Variants in WDR59 observed in about 807,000 individuals in gnomAD.
The protein encoded by WDR59 is WD repeat domain 59, also known as GATOR2 complex protein WDR59.
A neutral mutation model predicts 131.2 loss-of-function variants in WDR59; 100 were observed. That is an observed-to-expected ratio of 0.76 (90% CI 0.65 to 0.90). The LOEUF is 0.90. Ranked by LOEUF, WDR59 falls within the 40% of genes least tolerant of loss-of-function variation. WDR59 has a pLI of 0.00. For missense variants in WDR59, 1,203 were observed against 1,262.2 expected (o/e 0.95, Z 0.71); for synonymous variants, 601 against 466.2 (o/e 1.29, Z -3.72).
At chr16:74,922,130 G>C (rs1164039016) in intron 9 of WDR59, 27 bp from the exon 10 acceptor site, 1 of 1,613,048 alleles carries the variant, frequency 6.2e-7, no homozygotes, top group South Asian at 1.1e-5. Context: ...AAAAGCAGGT[G>C]ATTAGATTAT....
intron 25 of WDR59, among the ~76,000 whole-genome samples, chr16:74,883,628 AC>A (rs1429129718): frequency 1.3e-5 from 2 of 151,860 alleles, no homozygotes; most frequent in Non-Finnish European, 2.9e-5. Flanking sequence ...TCTGTAAAAC[AC>A]CTCTCCCTGC....
intron 14 of WDR59, among the ~76,000 whole-genome samples, chr16:74,911,018 CA>C (rs2144933744): frequency 6.6e-6 from 1 of 152,272 alleles, no homozygotes; most frequent in South Asian, 2.1e-4. Flanking sequence ...CATGCGCCAC[CA>C]CGCCTGGCTA....
At position 74,886,307 on chromosome 16, in the gene WDR59, G is replaced by C; in HGVS notation, c.2509C>G (p.Arg837Gly). 1 of 1,613,834 alleles carries C rather than the reference G, an allele frequency of 6.2e-7. No individual in the cohort carries two copies. Among genetic ancestry groups the C allele is most frequent in the Non-Finnish European group, 8.5e-7 (1 of 1,179,932 alleles). ...RFGSLTYSDP[R>G]ERERDQHDKN... is the part of the protein sequence containing the mutation. Reference sequence around the variant, plus strand: ...TCATGCTGGTCGCGTTCTCGCTCACGGGGATCACTGTAGGTCAGACTCCCA... The same window carrying C: ...TCATGCTGGTCGCGTTCTCGCTCACCGGGATCACTGTAGGTCAGACTCCCA... The change falls in exon 24 of 26, where the codon CGT becomes GGT. Residue 837 changes from arginine (R) to glycine (G), a missense_variant. Coordinates refer to ENST00000262144, the MANE Select transcript of WDR59 (RefSeq NM_030581.4).
chr16:74,967,838 A>C (rs574810508), intron 1 of WDR59, among the ~76,000 whole-genome samples: 1 of 145,274 alleles, frequency 6.9e-6, no homozygotes, highest in African/African-American at 2.6e-5. Context: ...AGCTTGGGCA[A>C]TAAAGCGAGA....
chr16:74,877,834 C>T (rs192857811), intron 25 of WDR59, among the ~76,000 whole-genome samples: 3 of 152,278 alleles, frequency 2.0e-5, no homozygotes, highest in East Asian at 3.9e-4. Context: ...CGTGAGCCAC[C>T]GCGCCCCGCC....
In WDR59 at chr16:74,886,616, CAT is replaced by C. The variant is rs1444799364; in HGVS notation, c.2420-222_2420-221del. 7 of 497,612 alleles carry C rather than the reference CAT, an allele frequency of 1.4e-5. No homozygotes were observed. In the East Asian group the frequency reaches 2.8e-4, roughly 20 times the overall value. 30.8% of individuals were successfully genotyped at this position (497,612 alleles called of 1,614,324 possible). On this transcript the variant is annotated intron_variant, in intron 23 of 25. Transcript: ENST00000262144. ...AGAACTTGATCACTAAGTACACACA[CAT>C]GATGCTAACGCAAATGATGGGCTGG...
At chr16:74,922,142 T>G (rs769533728) in intron 9 of WDR59, 39 bp from the exon 10 acceptor site, 8 of 1,608,750 alleles carry the variant, frequency 5.0e-6, no homozygotes, top group Non-Finnish European at 5.1e-6. Flanking sequence ...TTAGATTATT[T>G]CAGGGAGAAT....
chr16:74,938,304 A>G (rs775762731), intron 7 of WDR59, 38 bp from the exon 8 acceptor site: 8 of 1,385,246 alleles, frequency 5.8e-6, no homozygotes, highest in South Asian at 3.2e-5. Flanking sequence ...CGATTTAGAA[A>G]GAACTCTTTG....
In WDR59 at chr16:74,916,223, A is replaced by G. The variant is rs773415168; in HGVS notation, c.1003T>C (p.Phe335Leu). 1.9e-6 allele frequency: 3 copies of G among 1,614,062 alleles called. No individual in the cohort carries two copies. Among genetic ancestry groups the G allele is most frequent in the Non-Finnish European group, 2.5e-6 (3 of 1,179,982 alleles). Reference sequence around the variant, plus strand: ...GGCAGAAGGGAAATACTCTCAATGAACTCATCAACACCATCTAATATGTCA... The same window carrying G: ...GGCAGAAGGGAAATACTCTCAATGAGCTCATCAACACCATCTAATATGTCA... ...ANDILDGVDE[F>L]IESISLLPEP... Residue 335 changes from phenylalanine to leucine, a missense_variant, in exon 12 of 26, where the codon TTC becomes CTC. Phe to Leu is a conservative substitution (Grantham distance 22, BLOSUM62 0). Transcript: ENST00000262144.
chr16:74,910,614 C>A (rs1469129), intron 14 of WDR59, among the ~76,000 whole-genome samples: 150,742 of 152,314 alleles, frequency 0.99, 74,609 homozygotes, highest in Non-Finnish European at 1. Flanking sequence ...TGACAAGAGG[C>A]ATGGATTTCA....
At chr16:74,954,527 G>A (rs2033182725) in intron 3 of WDR59, among the ~76,000 whole-genome samples, 1 of 152,208 alleles carries the variant, frequency 6.6e-6, no homozygotes, top group Non-Finnish European at 1.5e-5. Flanking sequence ...TGGAAAAACT[G>A]GAACTCTGTG....
At chr16:74,906,510 G>C (rs4522442) in intron 17 of WDR59, among the ~76,000 whole-genome samples, 1 of 151,850 alleles carries the variant, frequency 6.6e-6, no homozygotes, top group Admixed American at 6.6e-5. Context: ...ACATCTATCT[G>C]ATGACTGAGG....
At chr16:74,905,448 G>A (rs1965756978) in intron 17 of WDR59, among the ~76,000 whole-genome samples, 2 of 151,914 alleles carry the variant, frequency 1.3e-5, no homozygotes, top group Admixed American at 1.3e-4. Flanking sequence ...TTGGAAGGCT[G>A]AGGCAGGCAG....
At chr16:74,983,350 G>A (rs893261234) in intron 1 of WDR59, among the ~76,000 whole-genome samples, 1 of 152,054 alleles carries the variant, frequency 6.6e-6, no homozygotes, top group Non-Finnish European at 1.5e-5. Flanking sequence ...GCACGTGCCT[G>A]TAATCCCAGC....
At chr16:74,892,286 T>C (rs980117117) in intron 20 of WDR59, among the ~76,000 whole-genome samples, 198 bp downstream of exon 20, 2 of 152,204 alleles carry the variant, frequency 1.3e-5, no homozygotes, top group African/African-American at 4.8e-5. Flanking sequence ...TTTAGGACCT[T>C]CCCAACTGAG....
chr16:74,879,119 G>T (rs973065412), intron 25 of WDR59, among the ~76,000 whole-genome samples: 1 of 152,162 alleles, frequency 6.6e-6, no homozygotes, highest in Non-Finnish European at 1.5e-5. Context: ...TTGTGAGGCC[G>T]AGGTGGGGGT....
intron 1 of WDR59, among the ~76,000 whole-genome samples, chr16:74,981,646 A>T (rs1303972818): frequency 0.098 from 239 of 2,450 alleles, 22 homozygotes; most frequent in African/African-American, 0.18. Context: ...ATATATATAT[A>T]TATATATATA....
At chr16:74,934,027 G>A (rs899006506) in intron 8 of WDR59, among the ~76,000 whole-genome samples, 3 of 152,024 alleles carry the variant, frequency 2.0e-5, no homozygotes, top group East Asian at 1.9e-4. Flanking sequence ...ACTATAATTC[G>A]CCCCTCAACT....
chr16:74,900,979 A>T (rs920863308), intron 18 of WDR59, among the ~76,000 whole-genome samples: 2 of 152,184 alleles, frequency 1.3e-5, no homozygotes, highest in Admixed American at 6.5e-5. Flanking sequence ...GGCACCTGTA[A>T]TCCCAGCTAC....
Sources: allele counts gnomAD v4.1 joint callset (sites outside exome capture counted in the v4.1 genomes callset), GRCh38; gene constraint gnomAD v4.1.1; transcripts MANE v1.5; gene names NCBI Gene and HGNC (gene_info 2026-07-23, HGNC 2026-07-21).